SRPK1: variants seen among roughly 807,000 people sequenced by gnomAD.
The protein encoded by SRPK1 is SRSF protein kinase 1.
A neutral mutation model predicts 89.5 loss-of-function variants in SRPK1; 52 were observed. The observed-to-expected ratio is 0.58, with a 90% CI of 0.46 to 0.73. The LOEUF (loss-of-function observed/expected upper bound fraction) is 0.73, where lower values mean the gene tolerates loss of function less well. Among genes scored for constraint, SRPK1 ranks in the 30% least tolerant of loss-of-function variants. The pLI, the probability that SRPK1 is intolerant of heterozygous loss-of-function variation, is 0.00. For missense variants in SRPK1, 603 were observed against 780.6 expected (o/e 0.77, Z 2.71); for synonymous variants, 255 against 270.2 (o/e 0.94, Z 0.55).
intron 2 of SRPK1, among the ~76,000 whole-genome samples, chr6:35,902,466 A>G (rs1418455941): frequency 2.0e-5 from 3 of 152,076 alleles, no homozygotes; most frequent in South Asian, 2.1e-4. Context: ...AGTCACATAA[A>G]AGACAAAGAT....
chr6:35,838,438 T>C lies in SRPK1; in HGVS notation c.1691-9A>G, dbSNP rs756883257. 4 of 1,567,100 alleles carry C rather than the reference T, an allele frequency of 2.6e-6. No homozygotes were observed. The African/African-American group carries it at 5.5e-5, about 22-fold the overall frequency. ...GATCAATGCAATGTGATCTGTATATTTCAAACATTTCAAGAGGGGGGAAAA... is the reference window on the plus strand; with the variant it reads ...GATCAATGCAATGTGATCTGTATATCTCAAACATTTCAAGAGGGGGGAAAA... On this transcript the variant is annotated splice_polypyrimidine_tract_variant and intron_variant, in intron 14 of 15. Coordinates refer to ENST00000373825, the MANE Select transcript of SRPK1 (RefSeq NM_003137.5).
intron 8 of SRPK1, among the ~76,000 whole-genome samples, chr6:35,871,198 GTAAAC>G (rs778303728): frequency 3.3e-5 from 5 of 152,082 alleles, no homozygotes; most frequent in Non-Finnish European, 7.4e-5. Flanking sequence ...TCCTCCCCAG[GTAAAC>G]TAAAGTTGCT....
At chr6:35,909,832 A>G in intron 2 of SRPK1, among the ~76,000 whole-genome samples, 1 of 152,062 alleles carries the variant, frequency 6.6e-6, no homozygotes, top group Non-Finnish European at 1.5e-5. Context: ...TTTGCCTTTC[A>G]CCATGATTCT....
At chr6:35,855,886 C>T (rs1251431205) in intron 13 of SRPK1, among the ~76,000 whole-genome samples, 1 of 152,178 alleles carries the variant, frequency 6.6e-6, no homozygotes, top group East Asian at 1.9e-4. Context: ...AGGCATGCAC[C>T]ACCACGTCTG....
intron 12 of SRPK1, among the ~76,000 whole-genome samples, chr6:35,861,626 G>A (rs1769783805): frequency 1.3e-5 from 2 of 152,230 alleles, no homozygotes. Context: ...TGGCCTAAGA[G>A]GGACCCTCCC....
intron 2 of SRPK1, among the ~76,000 whole-genome samples, chr6:35,904,593 G>GT (rs1462564389): frequency 2.0e-5 from 3 of 151,858 alleles, no homozygotes; most frequent in African/African-American, 7.3e-5. Context: ...GAGGTCAGGA[G>GT]TTTAAGACCA....
At chr6:35,837,279 A>C (rs1442601312) in intron 15 of SRPK1, among the ~76,000 whole-genome samples, 1 of 152,188 alleles carries the variant, frequency 6.6e-6, no homozygotes, top group Non-Finnish European at 1.5e-5. Flanking sequence ...AAGATGAGTG[A>C]GATGTAGTCC....
intron 12 of SRPK1, 119 bp from the exon 13 acceptor site, chr6:35,857,487 C>T (rs1769689483): frequency 1.3e-6 from 1 of 781,720 alleles, no homozygotes; most frequent in East Asian, 2.7e-5. Flanking sequence ...AAAGTTCTCA[C>T]TTTGCTTATT....
intron 6 of SRPK1, among the ~76,000 whole-genome samples, chr6:35,875,851 CTG>C (rs1770144029): frequency 6.6e-6 from 1 of 152,074 alleles, no homozygotes; most frequent in Non-Finnish European, 1.5e-5. Flanking sequence ...ACTGGGAAAT[CTG>C]GAAGGCACTG....
chr6:35,846,556 CAA>C (rs35150778), intron 13 of SRPK1, among the ~76,000 whole-genome samples: 20 of 116,470 alleles, frequency 1.7e-4, no homozygotes, highest in Admixed American at 3.6e-4. Context: ...ACTGTGTCTC[CAA>C]AAAAAAAAAA....
chr6:35,874,417 A>C, intron 6 of SRPK1, 78 bp from the exon 7 acceptor site: 1 of 907,412 alleles, frequency 1.1e-6, no homozygotes, highest in African/African-American at 1.7e-5. Context: ...CACCCTATTA[A>C]ATGTTATGTA....
intron 2 of SRPK1, among the ~76,000 whole-genome samples, chr6:35,911,961 A>C (rs1770978341): frequency 2.6e-5 from 4 of 152,124 alleles, no homozygotes; most frequent in Non-Finnish European, 5.9e-5. Flanking sequence ...TAAATGCAGC[A>C]AACTTCATTG....
rs182487927 is a variant in SRPK1, at chr6:35,856,997, T to C, written c.1620+264A>G. 1.5e-4 allele frequency: 57 copies of C among 382,502 alleles called. No individual in the cohort carries two copies. In the East Asian group the frequency reaches 2.3e-3, roughly 16 times the overall value. 23.7% of individuals were successfully genotyped at this position (382,502 alleles called of 1,614,324 possible). ...CAAAACCAACAACACCTCTTAGTAGTTGTTTTCATTATTTCCCCCCACTAA... is the reference window on the plus strand; with the variant it reads ...CAAAACCAACAACACCTCTTAGTAGCTGTTTTCATTATTTCCCCCCACTAA... On this transcript the variant is annotated intron_variant, in intron 13 of 15. Transcript: ENST00000373825.
intron 2 of SRPK1, among the ~76,000 whole-genome samples, chr6:35,901,234 CATT>C (rs1333388342): frequency 1.3e-5 from 2 of 152,112 alleles, no homozygotes; most frequent in East Asian, 3.9e-4. Flanking sequence ...GGGCTTGTGA[CATT>C]ATTTAGATAC....
chr6:35,881,607 A>G (rs1770293038), intron 6 of SRPK1, among the ~76,000 whole-genome samples: 1 of 152,142 alleles, frequency 6.6e-6, no homozygotes, highest in Non-Finnish European at 1.5e-5. Context: ...GGCTATACTA[A>G]TATCAGACAA....
chr6:35,862,451 G>C (rs1471183651), intron 12 of SRPK1, among the ~76,000 whole-genome samples: 1 of 151,854 alleles, frequency 6.6e-6, no homozygotes, highest in Admixed American at 6.6e-5. Flanking sequence ...TACTACCAGA[G>C]GTACCCAAAA....
intron 12 of SRPK1, among the ~76,000 whole-genome samples, chr6:35,859,844 G>T (rs868578741): frequency 1.2e-4 from 18 of 151,908 alleles, no homozygotes; most frequent in Non-Finnish European, 2.2e-4. Flanking sequence ...TGAGTGAATG[G>T]CTGAAAAGAA....
chr6:35,906,914 G>A (rs57139046), intron 2 of SRPK1, among the ~76,000 whole-genome samples: 32 of 152,274 alleles, frequency 2.1e-4, no homozygotes, highest in African/African-American at 7.7e-4. Context: ...GGTCATTTTG[G>A]AGCATGCTAG....
At chr6:35,889,846 C>T (rs544846521) in intron 3 of SRPK1, among the ~76,000 whole-genome samples, 1 of 150,586 alleles carries the variant, frequency 6.6e-6, no homozygotes, top group Admixed American at 6.6e-5. Flanking sequence ...CCCCTGTAAT[C>T]CCAGCACTTT....
Sources: allele counts gnomAD v4.1 joint callset (sites outside exome capture counted in the v4.1 genomes callset), GRCh38; gene constraint gnomAD v4.1.1; transcripts MANE v1.5; gene names NCBI Gene and HGNC (gene_info 2026-07-23, HGNC 2026-07-21).